Variants in CAPZA2 observed in about 807,000 individuals in gnomAD.
CAPZA2 encodes the protein capping actin protein of muscle Z-line subunit alpha 2.
Under a neutral mutation model 44.0 loss-of-function variants are expected in CAPZA2, and 13 were observed. The ratio of observed to expected loss-of-function variants is 0.30; its 90% CI spans 0.19 to 0.47. The LOEUF (loss-of-function observed/expected upper bound fraction) is 0.47, where lower values mean the gene tolerates loss of function less well. CAPZA2 is among the 20% of genes least tolerant of loss of function. The probability of loss-of-function intolerance (pLI) is 1.00; values close to 1 mark genes in which losing one functional copy is unlikely to be tolerated. For missense variants in CAPZA2, 244 were observed against 338.6 expected, an observed-to-expected ratio of 0.72 and a Z score of 2.19; for synonymous variants, 94 against 108.2, an observed-to-expected ratio of 0.87 and a Z score of 0.81.
At chr7:116,872,689 G>C (rs1248850292) in intron 1 of CAPZA2, among the ~76,000 whole-genome samples, 1 of 152,180 alleles carries the variant, frequency 6.6e-6, no homozygotes, top group Non-Finnish European at 1.5e-5. Context: ...ATTTTTTAGA[G>C]AGCTGTGGAA....
intron 2 of CAPZA2, among the ~76,000 whole-genome samples, chr7:116,891,931 T>C (rs1016920825): frequency 6.6e-6 from 1 of 152,216 alleles, no homozygotes; most frequent in Non-Finnish European, 1.5e-5. Flanking sequence ...ATTGTAAACT[T>C]TCCAAAGTAC....
intron 4 of CAPZA2, among the ~76,000 whole-genome samples, chr7:116,901,837 TAA>T (rs1796997702): frequency 6.6e-6 from 1 of 151,024 alleles, no homozygotes; most frequent in Non-Finnish European, 1.5e-5. Context: ...AATATTTTCA[TAA>T]AGTTTATGTG....
At chr7:116,893,130 G>A (rs542321922) in intron 3 of CAPZA2, 85 bp downstream of exon 3, 18 of 877,984 alleles carry the variant, frequency 2.1e-5, no homozygotes, top group Non-Finnish European at 3.1e-5. Context: ...GTTTTTTGTG[G>A]GTTTTTTTGT....
rs1488214839 is a variant in CAPZA2 at position 116,919,542 on chromosome 7, T to G, written c.*1675T>G. On this transcript the variant is annotated 3_prime_UTR_variant, in exon 10 of 10. Coordinates refer to ENST00000361183, the MANE Select transcript of CAPZA2 (RefSeq NM_006136.3). ...TGTATGCAACTGTTTTTAAGGTGAT[T>G]TGCTTGTGAGACGGAAGATTTATCA... 6.6e-6 allele frequency: 1 copy of G among 152,124 alleles called. No individual in the cohort carries two copies. Among genetic ancestry groups the G allele is most frequent in the Non-Finnish European group, 1.5e-5 (1 of 68,028 alleles). The allele number at this position is 152,124 out of a possible 1,614,324, so 9.4% of individuals were successfully genotyped here.
At position 116,904,274 on chromosome 7, in the gene CAPZA2, C is replaced by T; in HGVS notation, c.317C>T (p.Thr106Ile). 6.2e-7 allele frequency: 1 copy of T among 1,612,900 alleles called. No individual in the cohort carries two copies. The highest frequency in any genetic ancestry group is 8.5e-7 in the Non-Finnish European group (1 of 1,178,948). The change falls in exon 5 of 10, where the codon ACT becomes ATT. Residue 106 changes from threonine to isoleucine, a missense_variant. Coordinates refer to ENST00000361183, the MANE Select transcript of CAPZA2 (RefSeq NM_006136.3). Reference sequence around the variant, plus strand: ...TTTGATCACTTAAGGAAGGAGGCAACTGATCCAAGACCCTGTGAAGTAGAA... The same window carrying T: ...TTTGATCACTTAAGGAAGGAGGCAATTGATCCAAGACCCTGTGAAGTAGAA... ...FKFDHLRKEA[T>I]DPRPCEVENA...
chr7:116,907,544 A>G (rs981982015), intron 6 of CAPZA2, among the ~76,000 whole-genome samples: 1 of 152,226 alleles, frequency 6.6e-6, no homozygotes, highest in South Asian at 2.1e-4. Context: ...GTTCTTCTTT[A>G]TAATACATTG....
chr7:116,872,146 G>T (rs141865932), intron 1 of CAPZA2, among the ~76,000 whole-genome samples: 2 of 152,212 alleles, frequency 1.3e-5, no homozygotes, highest in Admixed American at 6.5e-5. Flanking sequence ...AAAAAAATTG[G>T]TAGTGAAACA....
intron 5 of CAPZA2, among the ~76,000 whole-genome samples, chr7:116,905,779 A>C (rs376457340): frequency 1.3e-5 from 2 of 152,210 alleles, no homozygotes; most frequent in African/African-American, 4.8e-5. Flanking sequence ...TAGCATTGTG[A>C]TACATCACAG....
intron 8 of CAPZA2, among the ~76,000 whole-genome samples, chr7:116,912,765 G>A (rs1455356912): frequency 6.6e-6 from 1 of 152,068 alleles, no homozygotes; most frequent in Non-Finnish European, 1.5e-5. Context: ...TTGCTGCTGT[G>A]AACATTTGTG....
At position 116,887,284 on chromosome 7, in the gene CAPZA2, TG is replaced by T. The variant is rs539862702; in HGVS notation, c.40-840del. Among the ~76,000 whole-genome samples, 719 of 152,334 alleles carry T rather than the reference TG, an allele frequency of 4.7e-3. 5 individuals are homozygous for T. The highest frequency in any genetic ancestry group is 0.016 in the African/African-American group (673 of 41,566). ...GCTCACGCCTGTAATCCCAGCACTT[TG>T]GGAGGCTGAGATGGGAGGATCCTTT... On this transcript the variant is annotated intron_variant, in intron 1 of 9. Transcript: ENST00000361183.
At position 116,878,301 on chromosome 7, in the gene CAPZA2, C is replaced by T. The variant is rs143250897; in HGVS notation, c.40-9826C>T. On this transcript the variant is annotated intron_variant, in intron 1 of 9. Transcript: ENST00000361183. ...CAAAAGAATCGTCATAGAAGACTTA[C>T]GCTGTATTGGGAGGCAGCTATGTAA... Among the ~76,000 whole-genome samples the T allele has an allele frequency of 2.0e-4, 31 of 152,266 alleles. 1 individual carries two copies. In the East Asian group the frequency reaches 5.6e-3, roughly 28 times the overall value.
Position 116,893,030 on chromosome 7 carries a change from G to T in CAPZA2, c.140G>T (p.Arg47Met). The T allele has an allele frequency of 6.3e-7, 1 of 1,598,132 alleles. No homozygotes were observed. The highest frequency in any genetic ancestry group is 8.6e-7 in the Non-Finnish European group (1 of 1,169,272). The change falls in exon 3 of 10, where the codon AGG becomes ATG. Residue 47 changes from arginine to methionine, a missense_variant. Physicochemically the swap from Arg to Met is moderately conservative, Grantham distance 91 (BLOSUM62 -1). Coordinates refer to ENST00000361183, the MANE Select transcript of CAPZA2 (RefSeq NM_006136.3). ...CTGCTTAATAATGACAATCTTCTCA[G>T]GGAAGGAGCAGCCCAGTAAGTATTA... is the stretch of plus-strand genomic sequence containing the variant. The part of the protein sequence containing the change: ...RLLLNNDNLL[R>M]EGAAHAFAQY...
At chr7:116,876,862 G>T (rs541766843) in intron 1 of CAPZA2, among the ~76,000 whole-genome samples, 1 of 152,344 alleles carries the variant, frequency 6.6e-6, no homozygotes, top group African/African-American at 2.4e-5. Context: ...CATGGGAGTT[G>T]TGCTTGAGGA....
chr7:116,894,693 T>C (rs10953830), intron 3 of CAPZA2, among the ~76,000 whole-genome samples: 43,197 of 152,076 alleles, frequency 0.28, 6,429 homozygotes, highest in East Asian at 0.41. Context: ...AGGCAACCAT[T>C]ATTCAACTAC....
At chr7:116,885,223 A>C (rs983119181) in intron 1 of CAPZA2, among the ~76,000 whole-genome samples, 1 of 151,612 alleles carries the variant, frequency 6.6e-6, no homozygotes, top group African/African-American at 2.4e-5. Flanking sequence ...AGCAGGTTTT[A>C]CATTTTGAAT....
At chr7:116,869,465 A>G (rs1796522324) in intron 1 of CAPZA2, among the ~76,000 whole-genome samples, 1 of 152,196 alleles carries the variant, frequency 6.6e-6, no homozygotes, top group South Asian at 2.1e-4. Context: ...TCATTTACTA[A>G]ATATACCACA....
At chr7:116,917,665 G>A (rs1791699515) in intron 9 of CAPZA2, 62 bp from the exon 10 acceptor site, 2 of 1,156,796 alleles carry the variant, frequency 1.7e-6, no homozygotes, top group African/African-American at 1.5e-5. Flanking sequence ...AAACATCTAT[G>A]TGCTTTATAA....
In CAPZA2 at chr7:116,917,753, A is replaced by G. The variant is rs768691924; in HGVS notation, c.747A>G (p.Thr249=). 3.1e-6 allele frequency: 5 copies of G among 1,608,848 alleles called. 1 individual carries two copies. The South Asian group carries it at 3.3e-5, about 11-fold the overall frequency. Residue 249 remains threonine (T), a synonymous_variant, in exon 10 of 10, where the codon ACA becomes ACG. Transcript: ENST00000361183. ...CTGCCATCAGTGAGAATTATCAGAC[A>G]ATGTCGGACACTACTTTCAAAGCCT... ...YQTAISENYQ[T]MSDTTFKALR...
chr7:116,873,744 A>G (rs1034290377), intron 1 of CAPZA2: 39 of 155,772 alleles, frequency 2.5e-4, no homozygotes, highest in African/African-American at 9.2e-4. Flanking sequence ...AGCACTACCA[A>G]TTGCTTCTGA....
Sources: gnomAD v4.1 joint callset for allele counts (sites outside exome capture counted in the v4.1 genomes callset) on GRCh38, gnomAD v4.1.1 for gene constraint, MANE v1.5 for transcripts, NCBI Gene and HGNC (gene_info 2026-07-23, HGNC 2026-07-21) for gene names.